The following PCDHGB3 variants were observed in gnomAD, a reference collection of about 807,000 sequenced individuals.
PCDHGB3 encodes protocadherin gamma-B3.
PCDHGB3 carries 40 observed loss-of-function variants against 59.2 expected under a neutral mutation model. The observed-to-expected ratio is 0.68, with a 90% CI of 0.52 to 0.88. The LOEUF (loss-of-function observed/expected upper bound fraction) is 0.88. Ranked by LOEUF, PCDHGB3 falls within the 40% of genes least tolerant of loss-of-function variation. PCDHGB3 has a pLI of 0.00. For synonymous variants in PCDHGB3, 581 were observed against 503.6 expected, an observed-to-expected ratio of 1.15 and a Z score of -2.06; for missense variants, 1,309 against 1,187.9, an observed-to-expected ratio of 1.10 and a Z score of -1.50.
At chr5:141,384,213 A>G (rs1779846196) in intron 1 of PCDHGB3, 2 of 1,613,872 alleles carry the variant, frequency 1.2e-6, no homozygotes, top group Non-Finnish European at 1.7e-6. Context: ...AAACTCACAT[A>G]TTCATGCAGG....
At position 141,490,707 on chromosome 5, in the gene PCDHGB3, C is replaced by T; in HGVS notation, c.2416-4100C>T. ...CAGACACTGGGGATAATGCCCGCCT[C>T]ACCTACTCCATTGTAGGAAATCAGG... On this transcript the variant is annotated intron_variant, in intron 1 of 3. Transcript: ENST00000576222. The surrounding 1 kb of genome is among the most constrained non-coding windows in gnomAD (Gnocchi z 5.4). The T allele has an allele frequency of 3.1e-6, 5 of 1,614,194 alleles. No individual in the cohort carries two copies. Among genetic ancestry groups the T allele is most frequent in the Non-Finnish European group, 3.4e-6 (4 of 1,180,008 alleles).
At chr5:141,502,914 T>G (rs78646636) in intron 2 of PCDHGB3, among the ~76,000 whole-genome samples, 4,865 of 139,540 alleles carry the variant, frequency 0.035, 119 homozygotes, top group South Asian at 0.075. Flanking sequence ...CAGGCTGGAG[T>G]GCAGTGGCAA....
intron 1 of PCDHGB3, chr5:141,484,865 G>A (rs1431313212): frequency 3.6e-6 from 1 of 278,548 alleles, no homozygotes; most frequent in Non-Finnish European, 6.7e-6. Flanking sequence ...GGGTGGGGGA[G>A]CGTGGAGGAT....
intron 1 of PCDHGB3, among the ~76,000 whole-genome samples, chr5:141,397,443 A>G (rs1307784938): frequency 6.6e-6 from 1 of 152,244 alleles, no homozygotes; most frequent in African/African-American, 2.4e-5. Flanking sequence ...TATGTGTAAT[A>G]TAAAACACTA....
intron 1 of PCDHGB3, chr5:141,408,074 C>T: frequency 7.2e-7 from 1 of 1,395,302 alleles, no homozygotes; most frequent in Non-Finnish European, 9.5e-7. Context: ...CAGACCTTTC[C>T]CAGCACAGCG....
At chr5:141,400,203 G>C in intron 1 of PCDHGB3, 1 of 1,613,996 alleles carries the variant, frequency 6.2e-7, no homozygotes, top group Non-Finnish European at 8.5e-7. Flanking sequence ...TGGTGGCCTT[G>C]GCCTTGATCT....
At chr5:141,433,208 CTTT>C (rs745329085) in intron 1 of PCDHGB3, 6 of 1,292,918 alleles carry the variant, frequency 4.6e-6, no homozygotes, top group East Asian at 2.6e-5. Flanking sequence ...AATCTTCTTT[CTTT>C]TTTTTTTTTA....
chr5:141,399,460 G>T (rs1465606526), intron 1 of PCDHGB3: 1 of 1,613,962 alleles, frequency 6.2e-7, no homozygotes, highest in Middle Eastern at 1.6e-4. Flanking sequence ...CAACGATAAC[G>T]CTCCGGTTTT....
At position 141,477,868 on chromosome 5, in the gene PCDHGB3, C is replaced by G; in HGVS notation, c.2416-16939C>G. Reference sequence around the variant, plus strand: ...CGGTGGAGATGCTGCCTCGAGGTACCTCAGCTGGCCACCTAGTGTCACGGG... The same window carrying G: ...CGGTGGAGATGCTGCCTCGAGGTACGTCAGCTGGCCACCTAGTGTCACGGG... On this transcript the variant is annotated intron_variant, in intron 1 of 3. Coordinates refer to ENST00000576222, the MANE Select transcript of PCDHGB3 (RefSeq NM_018924.5). The surrounding 1 kb of genome is among the most constrained non-coding windows in gnomAD (Gnocchi z 4.9). 1 of 1,613,750 alleles carries G rather than the reference C, an allele frequency of 6.2e-7. No individual in the cohort carries two copies. Among genetic ancestry groups the G allele is most frequent in the Non-Finnish European group, 8.5e-7 (1 of 1,179,908 alleles).
Position 141,375,262 on chromosome 5 carries a change from A to C in PCDHGB3, c.2415+2453A>C, listed in dbSNP as rs781354981. The C allele has an allele frequency of 3.1e-6, 5 of 1,613,914 alleles. No individual in the cohort carries two copies. In the South Asian group the frequency reaches 5.5e-5, roughly 18 times the overall value. On this transcript the variant is annotated intron_variant, in intron 1 of 3. Coordinates refer to ENST00000576222, the MANE Select transcript of PCDHGB3 (RefSeq NM_018924.5). Reference sequence around the variant, plus strand: ...CCATCCCGAGAAGTCTCCCATTTGAATTGGAAAAATCAGTTGGCAATTATT... The same window carrying C: ...CCATCCCGAGAAGTCTCCCATTTGACTTGGAAAAATCAGTTGGCAATTATT...
intron 1 of PCDHGB3, chr5:141,403,283 G>A: frequency 6.2e-7 from 1 of 1,613,914 alleles, no homozygotes; most frequent in South Asian, 1.1e-5. Context: ...AGTCCTGGTT[G>A]AAGACAGAGT....
intron 1 of PCDHGB3, chr5:141,439,852 G>A (rs182049678): frequency 1.3e-5 from 2 of 152,474 alleles, no homozygotes; most frequent in African/African-American, 4.8e-5. Context: ...CTGTGGAAAA[G>A]GTGGGGAATG....
chr5:141,399,411 C>G lies in PCDHGB3; in HGVS notation c.2415+26602C>G, dbSNP rs375057054. 3.4e-5 allele frequency: 55 copies of G among 1,613,900 alleles called. No individual in the cohort carries two copies. In the African/African-American group the frequency reaches 5.3e-4, roughly 16 times the overall value. On this transcript the variant is annotated intron_variant, in intron 1 of 3. Transcript: ENST00000576222. ...CCACAGACAGGGGCAAGCCGCCCCT[C>G]TCCTCCAGCATAAGCGTCATCCTAC...
At chr5:141,375,022 T>G in intron 1 of PCDHGB3, 1 of 1,613,828 alleles carries the variant, frequency 6.2e-7, no homozygotes, top group Admixed American at 1.7e-5. Flanking sequence ...AGGACTCGAG[T>G]TTTTATGAGC....
chr5:141,473,151 T>C (rs2099315238), intron 1 of PCDHGB3, among the ~76,000 whole-genome samples: 1 of 152,242 alleles, frequency 6.6e-6, no homozygotes. Context: ...TTCAGATCAC[T>C]AGGGCTAGGA....
chr5:141,450,258 T>A (rs1267755848), intron 1 of PCDHGB3, among the ~76,000 whole-genome samples: 1 of 152,096 alleles, frequency 6.6e-6, no homozygotes, highest in Non-Finnish European at 1.5e-5. Context: ...CCTCAAGTGA[T>A]CTGCCCACCT....
At chr5:141,382,430 T>A (rs984775517) in intron 1 of PCDHGB3, among the ~76,000 whole-genome samples, 10 of 152,106 alleles carry the variant, frequency 6.6e-5, no homozygotes, top group African/African-American at 2.4e-4. Context: ...CCCAAAAGAG[T>A]CACTTGAAAG....
intron 1 of PCDHGB3, chr5:141,374,736 G>A (rs1770792620): frequency 1.9e-6 from 3 of 1,611,042 alleles, no homozygotes; most frequent in Non-Finnish European, 1.7e-6. Context: ...ATGGATGGCG[G>A]CGACCCTGTC....
Position 141,486,902 on chromosome 5 carries a change from C to T in PCDHGB3, c.2416-7905C>T, listed in dbSNP as rs2099636761. On this transcript the variant is annotated intron_variant, in intron 1 of 3. Transcript: ENST00000576222. This position sits in a 1 kb window ranked among gnomAD's most constrained non-coding sequence, Gnocchi z 5.0. ...TCGGGCCCGGCCTGGTTCCTTATGT[C>T]CCCAAGCACTGCCTCCATCAGTTGG... 1 of 1,614,226 alleles carries T rather than the reference C, an allele frequency of 6.2e-7. No individual in the cohort carries two copies. The highest frequency in any genetic ancestry group is 8.5e-7 in the Non-Finnish European group (1 of 1,180,044).
Sources: gnomAD v4.1 joint callset for allele counts (sites outside exome capture counted in the v4.1 genomes callset) on GRCh38, gnomAD v4.1.1 for gene constraint, Gnocchi (gnomAD v3.1) non-coding constraint, MANE v1.5 for transcripts, NCBI Gene and HGNC (gene_info 2026-07-23, HGNC 2026-07-21) for gene names.